PTPN4: variants seen among roughly 807,000 people sequenced by gnomAD.
The protein encoded by PTPN4 is protein tyrosine phosphatase non-receptor type 4, also known as tyrosine-protein phosphatase non-receptor type 4.
PTPN4 carries 49 observed loss-of-function variants against 135.5 expected under a neutral mutation model. The observed-to-expected ratio is 0.36, with a 90% confidence interval of 0.29 to 0.46. PTPN4 has a LOEUF of 0.46. PTPN4 is among the 20% of genes least tolerant of loss of function. PTPN4 has a pLI of 1.00. For synonymous variants in PTPN4, 333 were observed against 369.9 expected, an observed-to-expected ratio of 0.90 and a Z score of 1.14; for missense variants, 860 against 1,101.0, an observed-to-expected ratio of 0.78 and a Z score of 3.10.
At chr2:119,907,754 C>T (rs533859236) in intron 10 of PTPN4, among the ~76,000 whole-genome samples, 67 of 152,212 alleles carry the variant, frequency 4.4e-4, no homozygotes, top group African/African-American at 1.4e-3. Flanking sequence ...TTAAAATAGA[C>T]ACATAGACCC....
chr2:119,897,317 T>C (rs1401831772), intron 9 of PTPN4, among the ~76,000 whole-genome samples: 2 of 152,192 alleles, frequency 1.3e-5, no homozygotes, highest in African/African-American at 4.8e-5. Context: ...GCCACAGACA[T>C]GAAATTAGCC....
chr2:119,893,560 C>T (rs749541323), intron 9 of PTPN4, among the ~76,000 whole-genome samples: 6 of 152,080 alleles, frequency 3.9e-5, no homozygotes, highest in Non-Finnish European at 7.4e-5. Context: ...TAGTTAAAAT[C>T]ATGAGATGAG....
intron 1 of PTPN4, among the ~76,000 whole-genome samples, chr2:119,799,427 A>G (rs910464701): frequency 1.3e-5 from 2 of 152,238 alleles, no homozygotes; most frequent in African/African-American, 4.8e-5. Flanking sequence ...AAGAATCAAT[A>G]GAAATAAGAC....
At chr2:119,806,334 C>G (rs950305134) in intron 1 of PTPN4, among the ~76,000 whole-genome samples, 1 of 152,128 alleles carries the variant, frequency 6.6e-6, no homozygotes, top group Non-Finnish European at 1.5e-5. Context: ...GGAGACCCAT[C>G]TCACGTGCAG....
At chr2:119,948,769 A>G (rs1679170950) in intron 18 of PTPN4, among the ~76,000 whole-genome samples, 3 of 152,182 alleles carry the variant, frequency 2.0e-5, no homozygotes, top group Admixed American at 2.0e-4. Flanking sequence ...ATATATCCAT[A>G]CGATGGCATT....
intron 19 of PTPN4, 126 bp downstream of exon 19, chr2:119,952,255 T>G (rs148134264): frequency 2.4e-5 from 20 of 822,750 alleles, no homozygotes; most frequent in Non-Finnish European, 3.6e-5. Context: ...CACAGTGGCT[T>G]TCATTGACAC....
chr2:119,848,763 GCT>G (rs1677546108), intron 2 of PTPN4, among the ~76,000 whole-genome samples: 1 of 151,662 alleles, frequency 6.6e-6, no homozygotes, highest in African/African-American at 2.4e-5. Context: ...ACCACGCCTA[GCT>G]AGTTTTTGTA....
rs559519547 is a variant in PTPN4, at chr2:119,955,633, A to G, written c.1980+310A>G. Among the ~76,000 whole-genome samples the G allele has an allele frequency of 6.6e-5, 10 of 152,272 alleles. 1 individual carries two copies. In the East Asian group the frequency reaches 1.9e-3, roughly 29 times the overall value. On this transcript the variant is annotated intron_variant, in intron 20 of 26. Coordinates refer to ENST00000263708, the MANE Select transcript of PTPN4 (RefSeq NM_002830.4). ...AGGTGGCAGATGAAGATAGGCTATT[A>G]TATACTTTAAAATCCTGAGCTTGGC...
intron 22 of PTPN4, among the ~76,000 whole-genome samples, chr2:119,957,406 G>A (rs1231564411): frequency 2.0e-5 from 3 of 152,102 alleles, no homozygotes; most frequent in Non-Finnish European, 2.9e-5. Context: ...CAACCCCTGG[G>A]CCATGGACCA....
chr2:119,790,883 A>G (rs941759767), intron 1 of PTPN4, among the ~76,000 whole-genome samples: 18 of 152,220 alleles, frequency 1.2e-4, no homozygotes, highest in African/African-American at 4.1e-4. Flanking sequence ...GTATTTACTT[A>G]TAACTATCTC....
rs983417381 is a variant in PTPN4, at chr2:119,984,398, A to G, written c.*7328A>G. On this transcript the variant is annotated 3_prime_UTR_variant, in exon 27 of 27. Coordinates refer to ENST00000263708, the MANE Select transcript of PTPN4 (RefSeq NM_002830.4). The stretch of plus-strand genomic sequence containing the variant: ...TAATTAAGATACAATTATTCATTTC[A>G]TGTTTGATTCTATTAAACTAGTGGC... Among the ~76,000 whole-genome samples the G allele has an allele frequency of 3.3e-5, 5 of 152,188 alleles. No individual in the cohort carries two copies. The highest frequency in any genetic ancestry group is 1.3e-4 in the Admixed American group (2 of 15,274).
chr2:119,802,459 G>A (rs1691394922), intron 1 of PTPN4, among the ~76,000 whole-genome samples: 1 of 152,108 alleles, frequency 6.6e-6, no homozygotes, highest in African/African-American at 2.4e-5. Flanking sequence ...TTCCTGCATT[G>A]ATTAAAAAGG....
chr2:119,925,862 C>G (rs755733566), intron 12 of PTPN4, among the ~76,000 whole-genome samples: 2 of 152,068 alleles, frequency 1.3e-5, no homozygotes, highest in Non-Finnish European at 2.9e-5. Context: ...TGTGGAAATA[C>G]AAAACAGTGA....
chr2:119,935,818 T>C (rs1678974041), intron 15 of PTPN4, among the ~76,000 whole-genome samples: 1 of 152,192 alleles, frequency 6.6e-6, no homozygotes, highest in Non-Finnish European at 1.5e-5. Context: ...GATTGAAATA[T>C]TGATTTGATT....
chr2:119,790,527 CT>C (rs944790655), intron 1 of PTPN4, among the ~76,000 whole-genome samples: 5 of 151,406 alleles, frequency 3.3e-5, no homozygotes, highest in African/African-American at 1.2e-4. Context: ...TCTGTTGTTA[CT>C]TTTTTGGGGT....
At chr2:119,823,771 T>G (rs147548352) in intron 2 of PTPN4, among the ~76,000 whole-genome samples, 28 of 152,340 alleles carry the variant, frequency 1.8e-4, no homozygotes, top group Non-Finnish European at 3.4e-4. Context: ...TTGGTGAGCC[T>G]TTATGAGTGC....
chr2:119,975,906 T>G (rs1679608461), intron 26 of PTPN4, among the ~76,000 whole-genome samples: 1 of 151,950 alleles, frequency 6.6e-6, no homozygotes, highest in African/African-American at 2.4e-5. Flanking sequence ...TGAAGTCTAG[T>G]CTAGTCTCTG....
intron 1 of PTPN4, among the ~76,000 whole-genome samples, chr2:119,769,842 G>A (rs757253969): frequency 2.6e-5 from 4 of 152,180 alleles, no homozygotes; most frequent in Admixed American, 6.5e-5. Context: ...ATAGCTGCCT[G>A]CTCCCATTTT....
chr2:119,873,932 T>G (rs1253092191), intron 3 of PTPN4, among the ~76,000 whole-genome samples: 1 of 152,168 alleles, frequency 6.6e-6, no homozygotes, highest in African/African-American at 2.4e-5. Context: ...AAACAGTTAC[T>G]TTAAGCAGTT....
Sources: gnomAD v4.1 joint callset for allele counts (sites outside exome capture counted in the v4.1 genomes callset) on GRCh38, gnomAD v4.1.1 for gene constraint, MANE v1.5 for transcripts, NCBI Gene and HGNC (gene_info 2026-07-23, HGNC 2026-07-21) for gene names.